Variants in SRP72 observed in about 807,000 individuals in gnomAD.
SRP72 encodes signal recognition particle subunit SRP72.
A neutral mutation model predicts 96.3 loss-of-function variants in SRP72; 49 were observed. That is an observed-to-expected ratio of 0.51 (90% CI 0.40 to 0.65). SRP72 has a LOEUF of 0.65. SRP72 is among the 30% of genes least tolerant of loss of function. The pLI is 0.00. For missense variants in SRP72, 736 were observed against 793.3 expected (o/e 0.93, Z 0.87); for synonymous variants, 267 against 275.2 (o/e 0.97, Z 0.30).
At chr4:56,496,805 T>G (rs1721084110) in intron 17 of SRP72, among the ~76,000 whole-genome samples, 1 of 152,176 alleles carries the variant, frequency 6.6e-6, no homozygotes, top group Non-Finnish European at 1.5e-5. Context: ...CTGGCCAACC[T>G]GGTGAAACCC....
chr4:56,471,634 A>G (rs1719978542), intron 2 of SRP72, 86 bp from the exon 3 acceptor site: 1 of 1,479,774 alleles, frequency 6.8e-7, no homozygotes, highest in African/African-American at 1.4e-5. Context: ...TCAGGACTAA[A>G]TCCAGTGTTT....
chr4:56,490,629 C>A lies in SRP72; in HGVS notation c.1486C>A (p.Pro496Thr), dbSNP rs764302947. The A allele has an allele frequency of 6.2e-7, 1 of 1,613,748 alleles. No individual in the cohort carries two copies. The highest frequency in any genetic ancestry group is 1.1e-5 in the South Asian group (1 of 91,052). The change falls in exon 15 of 19, where the codon CCA becomes ACA. Residue 496 changes from proline (P) to threonine (T), a missense_variant. Physicochemically the swap from Pro to Thr is conservative, Grantham distance 38. Around this residue, in one of 3 missense-constraint regions of SRP72, gnomAD observed 388 missense variants for 431.8 expected, o/e 0.90. Transcript: ENST00000642900. ...TATTTCTGCTTACTCACTTGTAGAT[C>A]CAGAGAAAGCCAAAGCGTATCCTTT... ...QLISAYSLVD[P>T]EKAKALSKHL...
chr4:56,498,315 A>G (rs1392721552), intron 17 of SRP72, among the ~76,000 whole-genome samples: 1 of 152,184 alleles, frequency 6.6e-6, no homozygotes. Context: ...CACAGCCAAT[A>G]TCATACTGAA....
At chr4:56,490,233 A>G (rs1425778517) in intron 13 of SRP72, 100 bp from the exon 14 acceptor site, 3 of 832,674 alleles carry the variant, frequency 3.6e-6, no homozygotes, top group Non-Finnish European at 5.6e-6. Context: ...TGAGGGATCT[A>G]ATGCATAGGT....
rs781230154 is a variant in SRP72, at chr4:56,467,672, G to A, written c.37G>A (p.Ala13Thr). 8.9e-6 allele frequency: 14 copies of A among 1,566,492 alleles called. No individual in the cohort carries two copies. Among genetic ancestry groups the A allele is most frequent in the Middle Eastern group, 1.7e-4 (1 of 5,938 alleles). ...SGGSGGVSVP[A>T]LWSEVNRYGQ... ...CGGCAGCGGGGGGGTGTCAGTACCT[G>A]CGCTGTGGAGTGAAGTGAACCGGTA... The change falls in exon 1 of 19, where the codon GCG becomes ACG. Residue 13 changes from alanine to threonine, a missense_variant. Ala to Thr is a moderately conservative substitution (Grantham distance 58). Around this residue, in one of 3 missense-constraint regions of SRP72, gnomAD observed 329 missense variants for 319.0 expected, o/e 1.03. Coordinates refer to ENST00000642900, the MANE Select transcript of SRP72 (RefSeq NM_006947.4).
intron 17 of SRP72, among the ~76,000 whole-genome samples, chr4:56,497,224 A>AT (rs1301875613): frequency 0.076 from 10,852 of 142,708 alleles, 490 homozygotes; most frequent in Middle Eastern, 0.13. Flanking sequence ...TTATTTATTT[A>AT]TTTTTTTTTT....
chr4:56,473,715 A>G (rs553345696), intron 3 of SRP72, among the ~76,000 whole-genome samples: 69 of 152,164 alleles, frequency 4.5e-4, no homozygotes, highest in Non-Finnish European at 9.3e-4. Context: ...CAGTGAGCCA[A>G]GATCGCGCCA....
intron 5 of SRP72, chr4:56,475,561 C>CAA (rs1180420128): frequency 0.1 from 10,591 of 103,000 alleles, 584 homozygotes; most frequent in Admixed American, 0.2. Flanking sequence ...GACGCTGTCT[C>CAA]AAAAAAAAAA....
chr4:56,502,500 TATATATATATATAAA>T lies in SRP72; in HGVS notation c.*640_*654del, dbSNP rs1721302007. On this transcript the variant is annotated 3_prime_UTR_variant, in exon 19 of 19. Transcript: ENST00000642900. ...ATATATATGTATATATATATACATA[TATATATATATATAAA>T]CATGAAATATATATATATGGCTCCT... The T allele has an allele frequency of 3.0e-5, 4 of 131,884 alleles. No individual in the cohort carries two copies. The highest frequency in any genetic ancestry group is 2.3e-4 in the South Asian group (1 of 4,370). The allele number at this position is 131,884 out of a possible 1,614,324, so 8.2% of individuals were successfully genotyped here.
chr4:56,478,149 C>CTTTT (rs1202292736), intron 6 of SRP72, among the ~76,000 whole-genome samples: 1 of 140,992 alleles, frequency 7.1e-6, no homozygotes, highest in Non-Finnish European at 1.5e-5. Flanking sequence ...ATCTTTTTGC[C>CTTTT]TTTTCTTTTT....
Position 56,474,324 on chromosome 4 carries a change from C to T in SRP72, c.543C>T (p.Asn181=). Residue 181 remains asparagine (N), a synonymous_variant, in exon 5 of 19, where the codon AAC becomes AAT. Coordinates refer to ENST00000642900, the MANE Select transcript of SRP72 (RefSeq NM_006947.4). ...LQEGTHELCY[N]TACALIGQGQ... ...AAGGCACACATGAGCTGTGCTACAA[C>T]ACTGCATGTGCACTGATAGGCCAAG... 1 of 1,614,222 alleles carries T rather than the reference C, an allele frequency of 6.2e-7. No individual in the cohort carries two copies. The highest frequency in any genetic ancestry group is 1.1e-5 in the South Asian group (1 of 91,082).
chr4:56,478,343 G>A (rs557752082), intron 6 of SRP72, 36 bp from the exon 7 acceptor site: 1 of 1,535,886 alleles, frequency 6.5e-7, no homozygotes, highest in Admixed American at 2.2e-5. Flanking sequence ...GATCAGTTTG[G>A]AAAATTTATA....
intron 6 of SRP72, chr4:56,477,038 A>G (rs979364096): frequency 6.2e-5 from 13 of 209,728 alleles, no homozygotes; most frequent in African/African-American, 2.8e-4. Flanking sequence ...ACATAATTCA[A>G]CATTCCCAAT....
Position 56,487,949 on chromosome 4 carries a change from G to T in SRP72, c.1160G>T (p.Gly387Val). Residue 387 changes from glycine to valine, a missense_variant and splice_region_variant, in exon 12 of 19, where the codon GGT becomes GTT. Physicochemically the swap from Gly to Val is moderately radical, Grantham distance 109 (BLOSUM62 -3). Around this residue, in one of 3 missense-constraint regions of SRP72, gnomAD observed 388 missense variants for 431.8 expected, o/e 0.90. Transcript: ENST00000642900. ...TGCTGATTTTGTTTATTCTCCTAAG[G>T]TAATATTTCTAAAGCATGTCTAATA... The part of the protein sequence containing the change: ...LTMAQLKISQ[G>V]NISKACLILR... 6.3e-7 allele frequency: 1 copy of T among 1,593,838 alleles called. No individual in the cohort carries two copies. The highest frequency in any genetic ancestry group is 8.5e-7 in the Non-Finnish European group (1 of 1,171,896).
chr4:56,481,740 ACT>A (rs1720494879), intron 8 of SRP72, among the ~76,000 whole-genome samples: 1 of 146,656 alleles, frequency 6.8e-6, no homozygotes, highest in Non-Finnish European at 1.5e-5. Context: ...GTTTGTGGCA[ACT>A]CTGTGTTGAG....
chr4:56,490,093 C>A (rs1720855116), intron 13 of SRP72, among the ~76,000 whole-genome samples: 1 of 152,082 alleles, frequency 6.6e-6, no homozygotes, highest in African/African-American at 2.4e-5. Context: ...GTTGTAGACA[C>A]TAAATAGATA....
intron 5 of SRP72, chr4:56,476,078 G>A (rs1297811510): frequency 6.5e-6 from 1 of 153,312 alleles, no homozygotes; most frequent in African/African-American, 2.4e-5. Context: ...TTTCAAAATA[G>A]TATGCACCGT....
chr4:56,498,365 A>C (rs1721150653), intron 17 of SRP72, among the ~76,000 whole-genome samples: 1 of 152,198 alleles, frequency 6.6e-6, no homozygotes, highest in Non-Finnish European at 1.5e-5. Flanking sequence ...AAACCGGCAC[A>C]AGACAAGGAT....
chr4:56,468,167 C>A (rs928636131), intron 1 of SRP72, among the ~76,000 whole-genome samples: 10 of 152,150 alleles, frequency 6.6e-5, no homozygotes, highest in African/African-American at 2.4e-4. Flanking sequence ...TCTCTTTGGC[C>A]GCTAAAGGGG....
Sources: allele counts gnomAD v4.1 joint callset (sites outside exome capture counted in the v4.1 genomes callset), GRCh38; gene constraint gnomAD v4.1.1; regional missense constraint gnomAD v4.1.1; transcripts MANE v1.5; gene names NCBI Gene and HGNC (gene_info 2026-07-23, HGNC 2026-07-21).